JAZF1: variants seen among roughly 807,000 people sequenced by gnomAD.
JAZF1 encodes JAZF zinc finger 1, also known as juxtaposed with another zinc finger protein 1.
JAZF1 carries 8 observed loss-of-function variants against 26.4 expected under a neutral mutation model. That is an observed-to-expected ratio of 0.30 (90% CI 0.18 to 0.55). JAZF1 has a LOEUF of 0.55. Ranked by LOEUF, JAZF1 falls within the 20% of genes least tolerant of loss-of-function variation. The pLI is 0.94. For synonymous variants in JAZF1, 126 were observed against 122.3 expected (o/e 1.03, Z -0.20); for missense variants, 199 against 322.0 (o/e 0.62, Z 2.92).
chr7:28,180,401 C>G, intron 1 of JAZF1, 62 bp downstream of exon 1: 2 of 1,303,400 alleles, frequency 1.5e-6, no homozygotes, highest in South Asian at 2.4e-5. Flanking sequence ...CATTCCGGGG[C>G]TCCCCGCCCG....
chr7:28,169,433 A>G (rs1432711465), intron 1 of JAZF1, among the ~76,000 whole-genome samples: 3 of 152,230 alleles, frequency 2.0e-5, no homozygotes, highest in Non-Finnish European at 4.4e-5. Flanking sequence ...TGTACTTGGC[A>G]TCTCTCTAAA....
chr7:28,055,821 T>A (rs1423324473), intron 1 of JAZF1, among the ~76,000 whole-genome samples: 1 of 152,186 alleles, frequency 6.6e-6, no homozygotes, highest in African/African-American at 2.4e-5. Flanking sequence ...TTTCTATTCC[T>A]GAAAACACCA....
At chr7:27,887,679 G>A (rs1783892279) in intron 3 of JAZF1, among the ~76,000 whole-genome samples, 1 of 152,178 alleles carries the variant, frequency 6.6e-6, no homozygotes, top group African/African-American at 2.4e-5. Context: ...GACTCCCAAA[G>A]TGCTGGGATT....
chr7:28,016,422 A>G (rs1038807482), intron 1 of JAZF1, among the ~76,000 whole-genome samples: 4 of 152,202 alleles, frequency 2.6e-5, no homozygotes, highest in South Asian at 2.1e-4. Context: ...GGCTGCCCAC[A>G]TGTTTCTGAG....
intron 1 of JAZF1, among the ~76,000 whole-genome samples, chr7:28,142,041 T>C (rs1241545641): frequency 1.3e-5 from 2 of 152,216 alleles, no homozygotes; most frequent in Admixed American, 6.5e-5. Flanking sequence ...GTTCTACTTC[T>C]ACTCACATGG....
intron 1 of JAZF1, among the ~76,000 whole-genome samples, chr7:28,058,423 A>AC (rs1210811134): frequency 2.6e-5 from 4 of 152,046 alleles, no homozygotes; most frequent in African/African-American, 9.7e-5. Flanking sequence ...ATCCCATCTC[A>AC]CCCTGAAGCA....
intron 3 of JAZF1, among the ~76,000 whole-genome samples, chr7:27,849,723 A>AAC: frequency 6.8e-6 from 1 of 147,826 alleles, no homozygotes; most frequent in Non-Finnish European, 1.5e-5. Context: ...TGTCAGTTTC[A>AAC]TGAATCAATA....
chr7:27,869,083 T>C (rs1386340505), intron 3 of JAZF1, among the ~76,000 whole-genome samples: 1 of 152,240 alleles, frequency 6.6e-6, no homozygotes, highest in Middle Eastern at 3.2e-3. Flanking sequence ...CTTCTCTGCA[T>C]GTTCATAAAA....
intron 1 of JAZF1, among the ~76,000 whole-genome samples, chr7:28,110,383 G>C (rs1248395934): frequency 6.7e-6 from 1 of 150,156 alleles, no homozygotes; most frequent in Non-Finnish European, 1.5e-5. Flanking sequence ...CCGAGATCAC[G>C]CCATTGCACT....
chr7:28,063,538 AC>A (rs1783832986), intron 1 of JAZF1, among the ~76,000 whole-genome samples: 2 of 152,208 alleles, frequency 1.3e-5, no homozygotes, highest in Admixed American at 1.3e-4. Context: ...ATTATTAAAC[AC>A]TTCTTAAGTG....
intron 1 of JAZF1, among the ~76,000 whole-genome samples, chr7:28,019,235 C>G (rs1022988081): frequency 2.0e-5 from 3 of 152,204 alleles, no homozygotes; most frequent in Non-Finnish European, 4.4e-5. Flanking sequence ...GACACTGGAA[C>G]CGGCGCTGAC....
intron 2 of JAZF1, among the ~76,000 whole-genome samples, chr7:27,895,877 G>A (rs558344625): frequency 1.3e-5 from 2 of 152,146 alleles, no homozygotes; most frequent in East Asian, 1.9e-4. Flanking sequence ...ATGGCCTCAT[G>A]AAAACTTTTT....
At chr7:28,091,266 T>G (rs1301257252) in intron 1 of JAZF1, among the ~76,000 whole-genome samples, 1 of 152,132 alleles carries the variant, frequency 6.6e-6, no homozygotes, top group Non-Finnish European at 1.5e-5. Context: ...TTCAATTTTT[T>G]ATTATGTCTC....
At chr7:28,168,593 A>G (rs1387309007) in intron 1 of JAZF1, among the ~76,000 whole-genome samples, 2 of 151,946 alleles carry the variant, frequency 1.3e-5, no homozygotes, top group African/African-American at 4.8e-5. Context: ...GAACTTGGTT[A>G]CTTCCCTCAT....
At chr7:28,064,028 A>G (rs1322201311) in intron 1 of JAZF1, among the ~76,000 whole-genome samples, 2 of 152,078 alleles carry the variant, frequency 1.3e-5, no homozygotes, top group East Asian at 3.8e-4. Context: ...TCTCTTCCCA[A>G]AATATTCTAA....
At chr7:28,138,033 T>C (rs185011701) in intron 1 of JAZF1, among the ~76,000 whole-genome samples, 1 of 152,322 alleles carries the variant, frequency 6.6e-6, no homozygotes, top group East Asian at 1.9e-4. Context: ...CTCAGAGCCC[T>C]TGGTCTTAAT....
chr7:28,025,356 C>T (rs568778593), intron 1 of JAZF1, among the ~76,000 whole-genome samples: 2 of 152,324 alleles, frequency 1.3e-5, no homozygotes, highest in South Asian at 4.1e-4. Context: ...AATACGTTCT[C>T]CATACAGCAA....
intron 2 of JAZF1, among the ~76,000 whole-genome samples, chr7:27,938,807 T>A (rs1209418371): frequency 2.2e-5 from 2 of 90,116 alleles, no homozygotes; most frequent in South Asian, 3.8e-4. Flanking sequence ...GAATAGCTAT[T>A]TTTTTTTTTT....
intron 1 of JAZF1, among the ~76,000 whole-genome samples, chr7:28,049,072 C>CCTCT (rs1182638919): frequency 3.5e-5 from 4 of 113,602 alleles, no homozygotes; most frequent in African/African-American, 1.5e-4. Flanking sequence ...TCCCTCCCTT[C>CCTCT]CTCTCTCTCT....
Sources: gnomAD v4.1 joint callset for allele counts (sites outside exome capture counted in the v4.1 genomes callset) on GRCh38, gnomAD v4.1.1 for gene constraint, MANE v1.5 for transcripts, NCBI Gene and HGNC (gene_info 2026-07-23, HGNC 2026-07-21) for gene names.